Variants in APBA2 observed in about 807,000 individuals in gnomAD.
APBA2 encodes amyloid-beta A4 precursor protein-binding family A member 2.
In APBA2, 30 loss-of-function variants were observed where a neutral mutation model predicts 75.0. The ratio of observed to expected loss-of-function variants is 0.40; its 90% confidence interval spans 0.30 to 0.54. The LOEUF is 0.54. APBA2 is among the 20% of genes least tolerant of loss of function. The pLI, the probability that APBA2 is intolerant of heterozygous loss-of-function variation, is 0.49. For missense variants in APBA2, 801 were observed against 1,016.1 expected (o/e 0.79, Z 2.88); for synonymous variants, 444 against 409.6 (o/e 1.08, Z -1.01).
chr15:28,944,390 C>T (rs1565407), intron 2 of APBA2, among the ~76,000 whole-genome samples: 13,247 of 152,184 alleles, frequency 0.087, 1,089 homozygotes, highest in East Asian at 0.33. Flanking sequence ...CATCCGGTAC[C>T]CTCTGCCTGG....
intron 2 of APBA2, among the ~76,000 whole-genome samples, chr15:28,924,807 T>C (rs986927047): frequency 1.3e-5 from 2 of 152,166 alleles, no homozygotes. Context: ...CTGTGGTGAC[T>C]CTGTTTCACT....
intron 2 of APBA2, among the ~76,000 whole-genome samples, chr15:28,993,392 G>T (rs189442564): frequency 5.9e-5 from 9 of 152,332 alleles, no homozygotes; most frequent in Admixed American, 4.6e-4. Context: ...ATGAAAAGTG[G>T]TGCTGGGTCC....
intron 6 of APBA2, among the ~76,000 whole-genome samples, chr15:29,088,935 G>A (rs2043421427): frequency 6.6e-6 from 1 of 152,158 alleles, no homozygotes; most frequent in Non-Finnish European, 1.5e-5. Flanking sequence ...ACCTGCTCCC[G>A]CCTCAGCCTG....
At chr15:28,952,770 T>C (rs1236479859) in intron 2 of APBA2, among the ~76,000 whole-genome samples, 2 of 152,246 alleles carry the variant, frequency 1.3e-5, no homozygotes, top group African/African-American at 4.8e-5. Context: ...TCCTACAACT[T>C]GAATTTTCAT....
chr15:29,115,925 G>C (rs1284130238), intron 14 of APBA2, among the ~76,000 whole-genome samples: 3 of 152,172 alleles, frequency 2.0e-5, no homozygotes, highest in Non-Finnish European at 4.4e-5. Context: ...CACCCCGTGG[G>C]GAGGCCAGCA....
At chr15:28,981,395 A>G (rs2037613939) in intron 2 of APBA2, among the ~76,000 whole-genome samples, 1 of 152,250 alleles carries the variant, frequency 6.6e-6, no homozygotes, top group Non-Finnish European at 1.5e-5. Flanking sequence ...GCCAACAAGC[A>G]TATGAAAAAA....
intron 14 of APBA2, 58 bp downstream of exon 14, chr15:29,114,074 C>T: frequency 6.2e-7 from 1 of 1,609,900 alleles, no homozygotes; most frequent in Non-Finnish European, 8.5e-7. Flanking sequence ...TCCCGCCTGC[C>T]CTCCATGAGC....
intron 2 of APBA2, among the ~76,000 whole-genome samples, chr15:28,971,292 C>T (rs2037054853): frequency 1.3e-5 from 2 of 152,038 alleles, no homozygotes; most frequent in Non-Finnish European, 2.9e-5. Flanking sequence ...TAGAATCTCC[C>T]TGAAAAACAT....
chr15:28,990,625 C>T (rs1260228760), intron 2 of APBA2: 1 of 152,136 alleles, frequency 6.6e-6, no homozygotes, highest in Non-Finnish European at 1.5e-5. Context: ...ATCTGCACTC[C>T]CAACTCTGCC....
At chr15:28,897,331 A>G (rs1281573835) in intron 1 of APBA2, among the ~76,000 whole-genome samples, 5 of 152,072 alleles carry the variant, frequency 3.3e-5, no homozygotes, top group African/African-American at 1.2e-4. Flanking sequence ...AAGAGCAGAA[A>G]AAGCTGGGTG....
At chr15:29,094,755 T>G (rs887822441) in intron 8 of APBA2, among the ~76,000 whole-genome samples, 2 of 152,210 alleles carry the variant, frequency 1.3e-5, no homozygotes, top group Non-Finnish European at 2.9e-5. Context: ...TGTGGTGCTT[T>G]CTTTATTGGA....
At chr15:29,110,461 G>A (rs896955125) in intron 13 of APBA2, among the ~76,000 whole-genome samples, 1 of 152,228 alleles carries the variant, frequency 6.6e-6, no homozygotes, top group Non-Finnish European at 1.5e-5. Flanking sequence ...GCTGCTCACT[G>A]ACAGCCCTGT....
chr15:29,091,106 G>A (rs982641509), intron 6 of APBA2, among the ~76,000 whole-genome samples: 1 of 152,170 alleles, frequency 6.6e-6, no homozygotes, highest in African/African-American at 2.4e-5. Context: ...GTGGACAGGG[G>A]TTCCTCCCCT....
At chr15:29,001,223 A>T (rs1430740430) in intron 3 of APBA2, among the ~76,000 whole-genome samples, 2 of 151,110 alleles carry the variant, frequency 1.3e-5, no homozygotes, top group Non-Finnish European at 3.0e-5. Flanking sequence ...TTATTTATTT[A>T]TTTTTTTTGA....
At position 29,054,536 on chromosome 15, in the gene APBA2, G is replaced by C. The variant is rs960381157; in HGVS notation, c.652G>C (p.Asp218His). ...SPYRLRRGDG[D>H]LEDQEEDIDQ... ...CTACCGCCTGAGGCGTGGGGATGGG[G>C]ACCTGGAGGACCAGGAGGAGGACAT... The change falls in exon 4 of 15, where the codon GAC becomes CAC. Residue 218 changes from aspartate to histidine, a missense_variant. This residue lies in a region of APBA2 where 434 missense variants were observed against 471.6 expected (regional missense o/e 0.92). Coordinates refer to ENST00000683413, the MANE Select transcript of APBA2 (RefSeq NM_001353788.2). The surrounding 1 kb of genome is among the most constrained non-coding windows in gnomAD (Gnocchi z 6.1). 3.7e-6 allele frequency: 6 copies of C among 1,613,434 alleles called. No homozygotes were observed. Among genetic ancestry groups the C allele is most frequent in the Non-Finnish European group, 5.1e-6 (6 of 1,179,782 alleles).
chr15:29,091,189 G>A (rs1312652507), intron 6 of APBA2, among the ~76,000 whole-genome samples: 3 of 152,166 alleles, frequency 2.0e-5, no homozygotes, highest in African/African-American at 7.2e-5. Context: ...AAGGTTTATC[G>A]GCTCCAGGGC....
intron 3 of APBA2, among the ~76,000 whole-genome samples, chr15:29,027,508 C>T (rs1366946773): frequency 6.6e-6 from 1 of 151,624 alleles, no homozygotes; most frequent in Non-Finnish European, 1.5e-5. Flanking sequence ...TGTTTTCTTT[C>T]TTTTTCTTGA....
intron 3 of APBA2, among the ~76,000 whole-genome samples, chr15:29,052,678 T>C (rs918566149): frequency 2.0e-5 from 3 of 152,134 alleles, no homozygotes; most frequent in African/African-American, 7.2e-5. Flanking sequence ...TCTTAGTCTG[T>C]TTTCTGTTGC....
chr15:28,968,203 G>A (rs1176567731), intron 2 of APBA2, among the ~76,000 whole-genome samples: 4 of 152,250 alleles, frequency 2.6e-5, no homozygotes, highest in African/African-American at 7.2e-5. Flanking sequence ...CACTTGGGTT[G>A]TTTCCACGTT....
Sources: allele counts gnomAD v4.1 joint callset (sites outside exome capture counted in the v4.1 genomes callset), GRCh38; gene constraint gnomAD v4.1.1; regional missense constraint gnomAD v4.1.1; non-coding constraint Gnocchi (gnomAD v3.1); transcripts MANE v1.5; gene names NCBI Gene and HGNC (gene_info 2026-07-23, HGNC 2026-07-21).